Variants in SRD5A2 observed in about 807,000 individuals in gnomAD.
SRD5A2 encodes the protein 3-oxo-5-alpha-steroid 4-dehydrogenase 2.
A neutral mutation model predicts 27.4 loss-of-function variants in SRD5A2; 30 were observed. The ratio of observed to expected loss-of-function variants is 1.10; its 90% CI spans 0.82 to 1.49. SRD5A2 has a LOEUF of 1.49. SRD5A2 is among the 40% of genes most tolerant of loss of function. The pLI is 0.00. For missense variants in SRD5A2, 348 were observed against 323.4 expected (o/e 1.08, Z -0.58); for synonymous variants, 141 against 133.6 (o/e 1.06, Z -0.38).
the SRD5A2 span, among the ~76,000 whole-genome samples, chr2:31,590,617 G>T: frequency 1.3e-5 from 2 of 152,072 alleles, no homozygotes; most frequent in Non-Finnish European, 2.9e-5. Context: ...AGCCCTCATT[G>T]CCAAGTCAAT....
the SRD5A2 span, among the ~76,000 whole-genome samples, chr2:31,609,648 C>T: frequency 6.6e-6 from 1 of 152,048 alleles, no homozygotes; most frequent in African/African-American, 2.4e-5. Flanking sequence ...GTGTAAAAGT[C>T]AAAACTATAA....
intron 1 of SRD5A2, among the ~76,000 whole-genome samples, chr2:31,547,160 G>A (rs1666279580): frequency 6.6e-6 from 1 of 152,114 alleles, no homozygotes; most frequent in African/African-American, 2.4e-5. Flanking sequence ...ATAGACCTGT[G>A]AAATACAATA....
At chr2:31,647,783 T>C in the SRD5A2 span, among the ~76,000 whole-genome samples, 3 of 152,220 alleles carry the variant, frequency 2.0e-5, no homozygotes, top group African/African-American at 7.2e-5. Flanking sequence ...TCTTGAACAT[T>C]TGCTTTTTAT....
the SRD5A2 span, among the ~76,000 whole-genome samples, chr2:31,613,803 G>C: frequency 6.6e-6 from 1 of 152,108 alleles, no homozygotes; most frequent in Admixed American, 6.6e-5. Context: ...GGAGGGCAAA[G>C]GGGAAGCAAG....
chr2:31,561,190 C>T (rs1056825469), intron 1 of SRD5A2, among the ~76,000 whole-genome samples: 1 of 152,186 alleles, frequency 6.6e-6, no homozygotes, highest in African/African-American at 2.4e-5. Flanking sequence ...CCTGACTCCT[C>T]TCCAAGTGTG....
chr2:31,552,921 A>C (rs1666409842), intron 1 of SRD5A2, among the ~76,000 whole-genome samples: 1 of 152,172 alleles, frequency 6.6e-6, no homozygotes, highest in East Asian at 1.9e-4. Context: ...TCCAGCAACC[A>C]ACCCTACAGA....
At chr2:31,578,303 G>A (rs1667000666) in intron 1 of SRD5A2, among the ~76,000 whole-genome samples, 2 of 152,136 alleles carry the variant, frequency 1.3e-5, no homozygotes, top group South Asian at 2.1e-4. Flanking sequence ...GAATGAGGTC[G>A]CATTTATCCA....
chr2:31,585,200 T>C (rs1667154804), upstream of SRD5A2, among the ~76,000 whole-genome samples: 1 of 152,196 alleles, frequency 6.6e-6, no homozygotes, highest in South Asian at 2.1e-4. Context: ...TCTGGATCTC[T>C]GACTAAACCT....
intron 1 of SRD5A2, among the ~76,000 whole-genome samples, chr2:31,569,227 T>A (rs1319339011): frequency 6.6e-6 from 1 of 152,244 alleles, no homozygotes; most frequent in Admixed American, 6.5e-5. Flanking sequence ...CTACCACCAT[T>A]TGTATGAACA....
chr2:31,558,729 G>A (rs1188721435), intron 1 of SRD5A2, among the ~76,000 whole-genome samples: 1 of 152,008 alleles, frequency 6.6e-6, no homozygotes, highest in Non-Finnish European at 1.5e-5. Flanking sequence ...TTAGATTATT[G>A]TACCCCAATT....
the SRD5A2 span, among the ~76,000 whole-genome samples, chr2:31,590,350 C>G: frequency 2.0e-5 from 3 of 152,178 alleles, no homozygotes; most frequent in Non-Finnish European, 4.4e-5. Flanking sequence ...TCTTTTATTT[C>G]ACTGAGCAGT....
chr2:31,649,247 G>A, the SRD5A2 span, among the ~76,000 whole-genome samples: 6 of 152,096 alleles, frequency 3.9e-5, no homozygotes, highest in East Asian at 7.7e-4. Flanking sequence ...ATTTTCTTTA[G>A]CTGCACTTCA....
At chr2:31,527,865 A>C (rs1665817794) in intron 4 of SRD5A2, among the ~76,000 whole-genome samples, 1 of 152,216 alleles carries the variant, frequency 6.6e-6, no homozygotes, top group South Asian at 2.1e-4. Flanking sequence ...TTCTTAGTTA[A>C]ATCTTCAAAA....
At chr2:31,538,327 C>T (rs757575203) in intron 1 of SRD5A2, among the ~76,000 whole-genome samples, 3 of 152,160 alleles carry the variant, frequency 2.0e-5, no homozygotes, top group Non-Finnish European at 2.9e-5. Context: ...CTCTCTCATT[C>T]TCTCACACCC....
intron 1 of SRD5A2, among the ~76,000 whole-genome samples, chr2:31,577,162 T>TAAAAAAAAAAA (rs10683997): frequency 3.5e-5 from 2 of 57,174 alleles, no homozygotes; most frequent in Non-Finnish European, 5.9e-5. Context: ...AAAAAAACAT[T>TAAAAAAAAAAA]AAAAAAAAAA....
intron 3 of SRD5A2, 73 bp downstream of exon 3, chr2:31,531,298 T>A: frequency 8.8e-7 from 1 of 1,130,478 alleles, no homozygotes. Context: ...CCCCTCTCCA[T>A]CTGCTACCAT....
chr2:31,608,135 T>A, the SRD5A2 span, among the ~76,000 whole-genome samples: 1 of 152,056 alleles, frequency 6.6e-6, no homozygotes, highest in African/African-American at 2.4e-5. Context: ...GACTAAGACA[T>A]CATATAACTG....
intron 1 of SRD5A2, among the ~76,000 whole-genome samples, chr2:31,558,309 T>C (rs1666542654): frequency 6.6e-6 from 1 of 152,226 alleles, no homozygotes; most frequent in East Asian, 1.9e-4. Context: ...GTTAATTTCC[T>C]AGGCTGCCAT....
the SRD5A2 span, among the ~76,000 whole-genome samples, chr2:31,594,026 T>C: frequency 1.3e-5 from 2 of 152,058 alleles, no homozygotes; most frequent in Admixed American, 1.3e-4. Context: ...AGCACAGCAC[T>C]AAAAGAAATG....
Sources: allele counts gnomAD v4.1 joint callset (sites outside exome capture counted in the v4.1 genomes callset), GRCh38; gene constraint gnomAD v4.1.1; transcripts MANE v1.5; gene names NCBI Gene and HGNC (gene_info 2026-07-23, HGNC 2026-07-21).